The following TRPV4 variants were observed in gnomAD, a reference collection of about 807,000 sequenced individuals.
TRPV4 encodes the protein OSM9-like transient receptor potential channel 4.
Under a neutral mutation model 84.1 loss-of-function variants are expected in TRPV4, and 58 were observed. That is an observed-to-expected ratio of 0.69 (90% confidence interval 0.56 to 0.86). The LOEUF (loss-of-function observed/expected upper bound fraction) is 0.86. TRPV4 is among the 40% of genes least tolerant of loss of function. TRPV4 has a pLI of 0.00. For synonymous variants in TRPV4, 489 were observed against 500.9 expected, an observed-to-expected ratio of 0.98 and a Z score of 0.32; for missense variants, 879 against 1,181.1, an observed-to-expected ratio of 0.74 and a Z score of 3.75.
At chr12:109,819,252 G>A (rs1891992954) in intron 1 of TRPV4, among the ~76,000 whole-genome samples, 1 of 152,198 alleles carries the variant, frequency 6.6e-6, no homozygotes, top group African/African-American at 2.4e-5. Flanking sequence ...GGAAGTCGGG[G>A]ATGCAGGCAG....
chr12:109,796,985 T>C lies in TRPV4; in HGVS notation c.1153-281A>G, dbSNP rs746384794. Among the ~76,000 whole-genome samples, 7 of 152,220 alleles carry C rather than the reference T, an allele frequency of 4.6e-5. No homozygotes were observed. The highest frequency in any genetic ancestry group is 8.8e-5 in the Non-Finnish European group (6 of 68,036). ...CATCTTAATTGTAATGAATATCTTC[T>C]TCATGCCGTTAAAATAGCAATGAAT... On this transcript the variant is annotated intron_variant, in intron 6 of 15. Transcript: ENST00000261740. This position sits in a 1 kb window ranked among gnomAD's most constrained non-coding sequence, Gnocchi z 4.2.
rs925568142 is a variant in TRPV4, at chr12:109,794,589, G to A, written c.1333-102C>T. 245 of 1,262,228 alleles carry A rather than the reference G, an allele frequency of 1.9e-4. 1 individual carries two copies. The highest frequency in any genetic ancestry group is 4.6e-5 in the East Asian group (2 of 43,178). 78.2% of individuals were successfully genotyped at this position (1,262,228 alleles called of 1,614,324 possible). A position where few individuals can be genotyped will look rare whatever the true frequency, so the allele number is the denominator to read the frequency against. ...TTCCCCCACCCTCCACCCGGACAGC[G>A]CTTTCTCTTTCCATCCATTCCTCAG... is the stretch of plus-strand genomic sequence containing the variant. On this transcript the variant is annotated intron_variant, in intron 7 of 15. Transcript: ENST00000261740.
intron 2 of TRPV4, among the ~76,000 whole-genome samples, chr12:109,809,347 C>T: frequency 7.0e-6 from 1 of 143,882 alleles, no homozygotes; most frequent in African/African-American, 2.6e-5. Context: ...CACCCAGCAT[C>T]CACCCATCCA....
In TRPV4 at chr12:109,786,738, C is replaced by T. The variant is rs1179327696; in HGVS notation, c.2308G>A (p.Gly770Ser). 3 of 1,613,790 alleles carry T rather than the reference C, an allele frequency of 1.9e-6. No homozygotes were observed. The highest frequency in any genetic ancestry group is 2.2e-5 in the East Asian group (1 of 44,892). ...EMVTVGKSSD[G>S]TPDRRWCFRV... ...AAGCACCACCTGCGGTCAGGAGTGC[C>T]GTCCGAGCTCTTGCCCACGGTGACC... The change falls in exon 14 of 16, where the codon GGC becomes AGC. Residue 770 changes from glycine (G) to serine (S), a missense_variant. Physicochemically the swap from Gly to Ser is moderately conservative, Grantham distance 56 (BLOSUM62 0). Transcript: ENST00000261740. This position sits in a 1 kb window ranked among gnomAD's most constrained non-coding sequence, Gnocchi z 4.5.
In TRPV4 at chr12:109,798,655, G is replaced by T; in HGVS notation, c.1111C>A (p.Leu371Ile). ...NLEAVLNNDGLSPLMMAAKTG... is the reference protein window; with the variant it reads ...NLEAVLNNDGISPLMMAAKTG... The stretch of plus-strand genomic sequence containing the variant: ...TTGGCAGCCATCATGAGGGGCGAGA[G>T]GCCGTCGTTGTTGAGCACGGCCTCC... Residue 371 changes from leucine to isoleucine, a missense_variant, in exon 6 of 16, where the codon CTC (leucine) becomes ATC (isoleucine). Physicochemically the swap from Leu to Ile is conservative, Grantham distance 5. Around this residue, in one of 4 missense-constraint regions of TRPV4, gnomAD observed 521 missense variants for 686.6 expected, o/e 0.76. Transcript: ENST00000261740. The surrounding 1 kb of genome is among the most constrained non-coding windows in gnomAD (Gnocchi z 5.0). 1 of 1,613,076 alleles carries T rather than the reference G, an allele frequency of 6.2e-7. No individual in the cohort carries two copies. The highest frequency in any genetic ancestry group is 8.5e-7 in the Non-Finnish European group (1 of 1,180,028).
At chr12:109,799,047 T>G in intron 5 of TRPV4, 135 bp from the exon 6 acceptor site, 6 of 842,678 alleles carry the variant, frequency 7.1e-6, no homozygotes, top group Non-Finnish European at 7.3e-6. Context: ...GGATATGAAC[T>G]GCACGTTTCT....
chr12:109,819,837 C>T (rs1337482343), intron 1 of TRPV4, among the ~76,000 whole-genome samples: 1 of 152,230 alleles, frequency 6.6e-6, no homozygotes, highest in Non-Finnish European at 1.5e-5. Flanking sequence ...GCTGGAATTA[C>T]AGGCATGAGC....
intron 2 of TRPV4, among the ~76,000 whole-genome samples, chr12:109,811,044 T>G (rs11068420): frequency 0.25 from 38,294 of 152,030 alleles, 5,730 homozygotes; most frequent in East Asian, 0.69. Context: ...TCTCCAGCCT[T>G]AGGCCCTTGC....
At chr12:109,816,603 C>A (rs1891856934) in intron 1 of TRPV4, among the ~76,000 whole-genome samples, 1 of 152,112 alleles carries the variant, frequency 6.6e-6, no homozygotes. Flanking sequence ...CATGGCAAAA[C>A]CCCGTCTCTA....
At chr12:109,829,694 A>G (rs1006269520) in intron 1 of TRPV4, among the ~76,000 whole-genome samples, 1 of 152,234 alleles carries the variant, frequency 6.6e-6, no homozygotes, top group Non-Finnish European at 1.5e-5. Flanking sequence ...AAGTGGGATG[A>G]GAGTCCCTTT....
chr12:109,829,789 T>C (rs1369715228), intron 1 of TRPV4, among the ~76,000 whole-genome samples: 1 of 152,192 alleles, frequency 6.6e-6, no homozygotes, highest in Non-Finnish European at 1.5e-5. Flanking sequence ...GTCTTAAACA[T>C]GCGGATGCAG....
intron 3 of TRPV4, among the ~76,000 whole-genome samples, chr12:109,804,330 C>G (rs1890990272): frequency 6.6e-6 from 1 of 152,108 alleles, no homozygotes; most frequent in Admixed American, 6.6e-5. Flanking sequence ...TCAGGAATGG[C>G]CAGAGGGTGG....
Position 109,815,991 on chromosome 12 carries a change from GGCTGGGCACC to G in TRPV4, c.-31-1174_-31-1165del, listed in dbSNP as rs1891824797. Among the ~76,000 whole-genome samples, 3 of 152,244 alleles carry G rather than the reference GGCTGGGCACC, an allele frequency of 2.0e-5. No individual in the cohort carries two copies. The highest frequency in any genetic ancestry group is 2.0e-4 in the Admixed American group (3 of 15,294). On this transcript the variant is annotated intron_variant, in intron 1 of 15. Coordinates refer to ENST00000261740, the MANE Select transcript of TRPV4 (RefSeq NM_021625.5). The surrounding 1 kb of genome is among the most constrained non-coding windows in gnomAD (Gnocchi z 4.1). ...CTGTAGCATGGTGCCAGCCAGGCAGGGCTGGGCACCAAGGGTGAGTTTCCTGGAACTCTTA... is the reference window on the plus strand; with the variant it reads ...CTGTAGCATGGTGCCAGCCAGGCAGGAAGGGTGAGTTTCCTGGAACTCTTA...
chr12:109,794,472 G>C lies in TRPV4; in HGVS notation c.1348C>G (p.Leu450Val). The C allele has an allele frequency of 6.2e-7, 1 of 1,614,000 alleles. No individual in the cohort carries two copies. The highest frequency in any genetic ancestry group is 1.3e-5 in the African/African-American group (1 of 75,038). ...NSKIENRHEM[L>V]AVEPINELLR... Reference sequence around the variant, plus strand: ...AGTTCATTGATGGGCTCCACAGCCAGCATCTCGTGGCGGTTCTAAGAGAGG... The same window carrying C: ...AGTTCATTGATGGGCTCCACAGCCACCATCTCGTGGCGGTTCTAAGAGAGG... Residue 450 changes from leucine (L) to valine (V), a missense_variant, in exon 8 of 16, where the codon CTG (leucine) becomes GTG (valine). Transcript: ENST00000261740.
Position 109,793,529 on chromosome 12 carries a change from G to T in TRPV4, c.1656C>A (p.Leu552=). The change falls in exon 10 of 16, where the codon CTC becomes CTA. Residue 552 remains leucine, a splice_region_variant and synonymous_variant. Coordinates refer to ENST00000261740, the MANE Select transcript of TRPV4 (RefSeq NM_021625.5). The surrounding 1 kb of genome is among the most constrained non-coding windows in gnomAD (Gnocchi z 4.0). ...SLFIDGSFQL[L]YFIYSVLVIV... The stretch of plus-strand genomic sequence containing the variant: ...CCGGCCCAGGGACCTCTACTCACTA[G>T]AGCAGCTGGAAGGAGCCATCAATGA... 1 of 1,612,322 alleles carries T rather than the reference G, an allele frequency of 6.2e-7. No homozygotes were observed. The highest frequency in any genetic ancestry group is 1.1e-5 in the South Asian group (1 of 91,068).
chr12:109,824,274 G>T (rs1271703309), intron 1 of TRPV4, among the ~76,000 whole-genome samples: 1 of 152,026 alleles, frequency 6.6e-6, no homozygotes, highest in Non-Finnish European at 1.5e-5. Context: ...CACATAAAGG[G>T]TTTCAAACAA....
chr12:109,792,504 A>G, intron 11 of TRPV4, 75 bp from the exon 12 acceptor site: 9 of 1,582,162 alleles, frequency 5.7e-6, no homozygotes, highest in Non-Finnish European at 7.8e-6. Context: ...CTCCATCTCC[A>G]CCCTGGTCCC....
At chr12:109,812,740 T>C (rs1242733717) in intron 2 of TRPV4, among the ~76,000 whole-genome samples, 1 of 152,170 alleles carries the variant, frequency 6.6e-6, no homozygotes, top group Non-Finnish European at 1.5e-5. Flanking sequence ...AATAGTTTGA[T>C]AGCTGAATGG....
At chr12:109,788,807 G>A (rs1889860445) in intron 12 of TRPV4, 91 bp from the exon 13 acceptor site, 1 of 1,468,616 alleles carries the variant, frequency 6.8e-7, no homozygotes, top group Non-Finnish European at 9.4e-7. Flanking sequence ...GGAGAAAGCT[G>A]AGGCCTAGTG....
Sources: gnomAD v4.1 joint callset for allele counts (sites outside exome capture counted in the v4.1 genomes callset) on GRCh38, gnomAD v4.1.1 for gene constraint, gnomAD v4.1.1 regional missense constraint, Gnocchi (gnomAD v3.1) non-coding constraint, MANE v1.5 for transcripts, NCBI Gene and HGNC (gene_info 2026-07-23, HGNC 2026-07-21) for gene names.